The following PTPRD variants were observed in gnomAD, a reference collection of about 807,000 sequenced individuals.
PTPRD encodes protein tyrosine phosphatase receptor type D, also known as receptor-type tyrosine-protein phosphatase delta.
A neutral mutation model predicts 214.5 loss-of-function variants in PTPRD; 34 were observed. The ratio of observed to expected loss-of-function variants is 0.16; its 90% confidence interval spans 0.12 to 0.21. The LOEUF (loss-of-function observed/expected upper bound fraction) is 0.21. Ranked by LOEUF, PTPRD falls within the 10% of genes least tolerant of loss-of-function variation. The pLI, the probability that PTPRD is intolerant of heterozygous loss-of-function variation, is 1.00. For synonymous variants in PTPRD, 1,128 were observed against 845.7 expected (o/e 1.33, Z -5.79); for missense variants, 2,545 against 2,398.7 (o/e 1.06, Z -1.27).
rs188580843 is a variant in PTPRD, at chr9:10,149,969, T to G, written c.-544-116179A>C. On this transcript the variant is annotated intron_variant, in intron 3 of 45. Transcript: ENST00000381196. The stretch of plus-strand genomic sequence containing the variant: ...TGGTCTTGAACTCTTGACATCATGA[T>G]CCACCTGCCTCGGCCTCCCAAAGTG... Among the ~76,000 whole-genome samples the G allele has an allele frequency of 5.3e-5, 8 of 152,202 alleles. No homozygotes were observed. In the East Asian group the frequency reaches 1.6e-3, roughly 30 times the overall value.
At position 10,610,509 on chromosome 9, in the gene PTPRD, GT is replaced by G. The variant is rs200395331; in HGVS notation, c.-600+1888del. On this transcript the variant is annotated intron_variant, in intron 2 of 45. Transcript: ENST00000381196. ...TTCCCCTTTATTTTTCAATAATTAA[GT>G]TTTTTTTTTTCCAAATATCAGATAG... Among the ~76,000 whole-genome samples the G allele has an allele frequency of 1.0e-3, 113 of 112,372 alleles. 1 individual carries two copies. In the Middle Eastern group the frequency reaches 0.014, roughly 14 times the overall value. The allele number at this position is 112,372 out of a possible 152,430, so 73.7% of individuals were successfully genotyped here.
At chr9:9,876,564 A>G (rs10978056) in intron 5 of PTPRD, among the ~76,000 whole-genome samples, 17,570 of 152,268 alleles carry the variant, frequency 0.12, 1,208 homozygotes, top group South Asian at 0.22. Flanking sequence ...AGTTTTAACA[A>G]TAAGACAAAT....
chr9:8,564,622 C>T (rs947716214), intron 14 of PTPRD, among the ~76,000 whole-genome samples: 1 of 152,122 alleles, frequency 6.6e-6, no homozygotes, highest in Non-Finnish European at 1.5e-5. Flanking sequence ...ATTGTTTGAA[C>T]TTAGGAGGCG....
At chr9:9,469,662 A>C (rs2051760240) in intron 8 of PTPRD, among the ~76,000 whole-genome samples, 1 of 152,230 alleles carries the variant, frequency 6.6e-6, no homozygotes, top group South Asian at 2.1e-4. Flanking sequence ...GATGTGCAGT[A>C]GAGAAAAATA....
intron 2 of PTPRD, among the ~76,000 whole-genome samples, chr9:10,597,964 C>T (rs1186822570): frequency 2.0e-5 from 3 of 151,702 alleles, no homozygotes; most frequent in Admixed American, 1.3e-4. Context: ...GAAAGCATGA[C>T]GGCTAATGCA....
At chr9:8,540,059 C>T (rs944948807) in intron 14 of PTPRD, among the ~76,000 whole-genome samples, 1 of 152,094 alleles carries the variant, frequency 6.6e-6, no homozygotes, top group African/African-American at 2.4e-5. Flanking sequence ...GGCAAGGCAT[C>T]ATGTCGGCAA....
chr9:10,110,162 T>C (rs1197194048), intron 3 of PTPRD, among the ~76,000 whole-genome samples: 1 of 152,182 alleles, frequency 6.6e-6, no homozygotes, highest in Non-Finnish European at 1.5e-5. Context: ...TGACACAAAG[T>C]TGAAAAGCAA....
chr9:9,646,655 T>G (rs190362113), intron 7 of PTPRD, among the ~76,000 whole-genome samples: 72 of 152,256 alleles, frequency 4.7e-4, no homozygotes, highest in Non-Finnish European at 8.5e-4. Flanking sequence ...TAAAAAATAG[T>G]AGTCCCTCTC....
At chr9:8,811,962 G>A (rs1373722543) in intron 11 of PTPRD, among the ~76,000 whole-genome samples, 5 of 149,562 alleles carry the variant, frequency 3.3e-5, no homozygotes, top group South Asian at 4.3e-4. Context: ...GGGAAGCTTC[G>A]AGGAGATCAA....
intron 3 of PTPRD, among the ~76,000 whole-genome samples, chr9:10,200,949 T>C (rs1189479011): frequency 6.6e-6 from 1 of 152,070 alleles, no homozygotes; most frequent in Non-Finnish European, 1.5e-5. Flanking sequence ...TCATGAGTCA[T>C]TGGCACCTAG....
At chr9:10,452,493 CT>C (rs1360878074) in intron 2 of PTPRD, among the ~76,000 whole-genome samples, 3 of 151,760 alleles carry the variant, frequency 2.0e-5, no homozygotes, top group African/African-American at 7.2e-5. Context: ...TTGTTATCTT[CT>C]TTTTTTATAT....
chr9:8,610,405 G>C (rs2095405964), intron 14 of PTPRD, among the ~76,000 whole-genome samples: 1 of 152,140 alleles, frequency 6.6e-6, no homozygotes, highest in South Asian at 2.1e-4. Context: ...ACATTACATT[G>C]CTAGTTAGTG....
intron 5 of PTPRD, among the ~76,000 whole-genome samples, chr9:9,898,194 G>C (rs1245889693): frequency 1.3e-5 from 2 of 152,060 alleles, no homozygotes; most frequent in Non-Finnish European, 2.9e-5. Flanking sequence ...TTAATATTAA[G>C]AGATTAACAC....
intron 9 of PTPRD, among the ~76,000 whole-genome samples, chr9:9,352,078 G>T (rs1351220411): frequency 6.6e-6 from 1 of 151,822 alleles, no homozygotes; most frequent in African/African-American, 2.4e-5. Flanking sequence ...AAAGTGCTGG[G>T]ATTACAGGAA....
At chr9:8,852,390 T>C (rs1458137093) in intron 11 of PTPRD, among the ~76,000 whole-genome samples, 1 of 152,244 alleles carries the variant, frequency 6.6e-6, no homozygotes, top group Non-Finnish European at 1.5e-5. Context: ...TATCTGAATG[T>C]CAAGGAAGAA....
intron 3 of PTPRD, among the ~76,000 whole-genome samples, chr9:10,146,279 T>G (rs964657037): frequency 6.6e-6 from 1 of 151,740 alleles, no homozygotes; most frequent in South Asian, 2.1e-4. Context: ...ATACATAAAT[T>G]TATTCAATGA....
chr9:10,325,730 G>T (rs2096631543), intron 3 of PTPRD, among the ~76,000 whole-genome samples: 3 of 151,838 alleles, frequency 2.0e-5, no homozygotes, highest in Non-Finnish European at 2.9e-5. Context: ...TAACCTGTAA[G>T]ATACATATCA....
chr9:8,480,922 G>A (rs12342370), intron 30 of PTPRD, among the ~76,000 whole-genome samples: 6 of 152,016 alleles, frequency 3.9e-5, no homozygotes, highest in Non-Finnish European at 7.4e-5. Flanking sequence ...GTTGGATCAC[G>A]AGGTCAGGAG....
chr9:9,188,302 G>T lies in PTPRD; in HGVS notation c.-202-4939C>A, dbSNP rs772745430. 3.3e-5 allele frequency among the ~76,000 whole-genome samples: 5 copies of T among 151,984 alleles called. No homozygotes were observed. The East Asian group carries it at 9.7e-4, about 29-fold the overall frequency. ...GCTGATGGACATTGGGTAATTTCCA[G>T]TTTAAAGCAATTACAATTAATGCCG... On this transcript the variant is annotated intron_variant, in intron 9 of 45. Coordinates refer to ENST00000381196, the MANE Select transcript of PTPRD (RefSeq NM_002839.4).
Sources: allele counts gnomAD v4.1 joint callset (sites outside exome capture counted in the v4.1 genomes callset), GRCh38; gene constraint gnomAD v4.1.1; transcripts MANE v1.5; gene names NCBI Gene and HGNC (gene_info 2026-07-23, HGNC 2026-07-21).